The following PDE3B variants were observed in gnomAD, a reference collection of about 807,000 sequenced individuals.
PDE3B encodes the protein cGMP-inhibited 3',5'-cyclic phosphodiesterase 3B.
In PDE3B, 66 loss-of-function variants were observed where a neutral mutation model predicts 116.8. That is an observed-to-expected ratio of 0.56 (90% CI 0.46 to 0.69). The LOEUF (loss-of-function observed/expected upper bound fraction) is 0.69. Among genes scored for constraint, PDE3B ranks in the 30% least tolerant of loss-of-function variants. PDE3B has a pLI of 0.00. For missense variants in PDE3B, 1,384 were observed against 1,368.1 expected (o/e 1.01, Z -0.18); for synonymous variants, 595 against 533.6 (o/e 1.12, Z -1.59).
chr11:14,679,596 C>A (rs1484243861), intron 1 of PDE3B, among the ~76,000 whole-genome samples: 1 of 151,918 alleles, frequency 6.6e-6, no homozygotes, highest in Non-Finnish European at 1.5e-5. Context: ...CCTTGGTGGG[C>A]AGCGCCTAAA....
chr11:14,818,190 G>C lies in PDE3B; in HGVS notation c.1530G>C (p.Leu510Phe). The change falls in exon 6 of 16, where the codon TTG becomes TTC. Residue 510 changes from leucine (L) to phenylalanine (F), a missense_variant. Physicochemically the swap from Leu to Phe is conservative, Grantham distance 22 (BLOSUM62 0). Coordinates refer to ENST00000282096, the MANE Select transcript of PDE3B (RefSeq NM_000922.4). ...TTCTTTTAATTTTTAAAGGTGTTTT[G>C]TCCAGTCTGAGTCCTGTGAATTCTT... ...HHVGLRRAGV[L>F]SSLSPVNSSN... is the part of the protein sequence containing the mutation. 6.2e-7 allele frequency: 1 copy of C among 1,605,696 alleles called. No homozygotes were observed. Among genetic ancestry groups the C allele is most frequent in the South Asian group, 1.1e-5 (1 of 90,836 alleles).
In PDE3B at chr11:14,831,938, A is replaced by G. The variant is rs552371837; in HGVS notation, c.2094+161A>G. On this transcript the variant is annotated intron_variant, in intron 9 of 15. Transcript: ENST00000282096. ...AAATATATACATAAAACAATTATAT[A>G]TAAGATGTAGATCATACTATTATAT... is the stretch of plus-strand genomic sequence containing the variant. Among the ~76,000 whole-genome samples the G allele has an allele frequency of 2.2e-4, 33 of 152,288 alleles. 1 individual carries two copies. The South Asian group carries it at 5.8e-3, about 27-fold the overall frequency.
chr11:14,839,716 C>T (rs1860163707), intron 11 of PDE3B, among the ~76,000 whole-genome samples: 1 of 152,192 alleles, frequency 6.6e-6, no homozygotes, highest in Non-Finnish European at 1.5e-5. Flanking sequence ...TATGTCAAGT[C>T]TTTCATTCTC....
rs1345972186 is a variant in PDE3B at position 14,867,080 on chromosome 11, G to A, written c.2887-426G>A. Among the ~76,000 whole-genome samples the A allele has an allele frequency of 2.7e-5, 4 of 150,082 alleles. 1 individual carries two copies. Among genetic ancestry groups the A allele is most frequent in the South Asian group, 4.2e-4 (2 of 4,762 alleles). ...TTCTGCTGTTAAAAAAAAAAAAAAA[G>A]GGGGTGGAGGTAGTGTTATTGAAAA... On this transcript the variant is annotated intron_variant, in intron 14 of 15. Coordinates refer to ENST00000282096, the MANE Select transcript of PDE3B (RefSeq NM_000922.4).
chr11:14,783,083 G>A (rs560226455), intron 2 of PDE3B, among the ~76,000 whole-genome samples: 334 of 152,294 alleles, frequency 2.2e-3, no homozygotes, highest in African/African-American at 7.3e-3. Flanking sequence ...CAGTTAGAAT[G>A]GTGATCATTA....
intron 1 of PDE3B, among the ~76,000 whole-genome samples, chr11:14,708,669 G>T (rs1855603904): frequency 6.6e-6 from 1 of 151,972 alleles, no homozygotes; most frequent in Non-Finnish European, 1.5e-5. Context: ...CTATAGTGTG[G>T]TTATGTAAGA....
intron 4 of PDE3B, among the ~76,000 whole-genome samples, chr11:14,802,956 G>T (rs1174961450): frequency 2.0e-5 from 3 of 152,256 alleles, no homozygotes; most frequent in African/African-American, 7.2e-5. Flanking sequence ...CAATTTAAAA[G>T]AATATATTTA....
At chr11:14,751,812 C>T (rs1458922579) in intron 1 of PDE3B, among the ~76,000 whole-genome samples, 1 of 152,162 alleles carries the variant, frequency 6.6e-6, no homozygotes, top group African/African-American at 2.4e-5. Context: ...TCTATCAGCT[C>T]TTGTTCTTTA....
chr11:14,689,821 T>TCA (rs1349848023), intron 1 of PDE3B, among the ~76,000 whole-genome samples: 1 of 152,210 alleles, frequency 6.6e-6, no homozygotes, highest in Non-Finnish European at 1.5e-5. Context: ...AGGAAGGTTT[T>TCA]CACATGGGCA....
chr11:14,661,355 G>T (rs1303518834), intron 1 of PDE3B, among the ~76,000 whole-genome samples: 2 of 152,236 alleles, frequency 1.3e-5, no homozygotes, highest in Non-Finnish European at 2.9e-5. Context: ...AACAGCTCCG[G>T]TCTACAGCTT....
rs1468598030 is a variant in PDE3B at position 14,818,266 on chromosome 11, G to A, written c.1606G>A (p.Glu536Lys). 10 of 1,613,564 alleles carry A rather than the reference G, an allele frequency of 6.2e-6. No homozygotes were observed. The Admixed American group carries it at 1.3e-4, about 22-fold the overall frequency. Residue 536 changes from glutamate (E) to lysine (K), a missense_variant, in exon 6 of 16, where the codon GAA becomes AAA. By Grantham distance (56) the Glu-to-Lys change is moderately conservative. Around this residue, in one of 2 missense-constraint regions of PDE3B, gnomAD observed 956 missense variants for 806.8 expected, o/e 1.18. Coordinates refer to ENST00000282096, the MANE Select transcript of PDE3B (RefSeq NM_000922.4). ...CTCTCTAACTAATCGATCACCCATA[G>A]AATTTCCTGATACTGCTGATTTTCT... ...TGSLTNRSPI[E>K]FPDTADFLNK...
intron 14 of PDE3B, among the ~76,000 whole-genome samples, chr11:14,864,188 C>T (rs1310895333): frequency 6.6e-6 from 1 of 152,038 alleles, no homozygotes; most frequent in Non-Finnish European, 1.5e-5. Context: ...TAAACCAACA[C>T]AGACAGAAAA....
intron 1 of PDE3B, among the ~76,000 whole-genome samples, chr11:14,710,842 A>G (rs1855680171): frequency 6.6e-6 from 1 of 152,164 alleles, no homozygotes; most frequent in African/African-American, 2.4e-5. Context: ...GCTTTTTTTA[A>G]AAAAATGTGG....
At chr11:14,705,520 CTT>C (rs1855504794) in intron 1 of PDE3B, among the ~76,000 whole-genome samples, 1 of 151,688 alleles carries the variant, frequency 6.6e-6, no homozygotes, top group Non-Finnish European at 1.5e-5. Context: ...CATGAGGTAT[CTT>C]TTGTTGGTGA....
intron 12 of PDE3B, among the ~76,000 whole-genome samples, chr11:14,853,506 C>G (rs1847794886): frequency 6.6e-6 from 1 of 152,184 alleles, no homozygotes; most frequent in Non-Finnish European, 1.5e-5. Context: ...CAACTAGCAC[C>G]TGTGAGATAA....
the PDE3B span, chr11:14,878,998 G>A: frequency 3.5e-6 from 3 of 852,724 alleles, no homozygotes; most frequent in Non-Finnish European, 5.7e-6. Flanking sequence ...TCAGTTCTGT[G>A]TTTTTAGAAT....
At chr11:14,668,704 G>C (rs574636208) in intron 1 of PDE3B, among the ~76,000 whole-genome samples, 1 of 152,262 alleles carries the variant, frequency 6.6e-6, no homozygotes, top group Non-Finnish European at 1.5e-5. Flanking sequence ...GCACAATCCT[G>C]TCTGTCTGCT....
At chr11:14,724,023 T>A (rs1349507720) in intron 1 of PDE3B, among the ~76,000 whole-genome samples, 1 of 152,170 alleles carries the variant, frequency 6.6e-6, no homozygotes, top group Non-Finnish European at 1.5e-5. Context: ...ATCATTGTAG[T>A]TAAAATATGG....
intron 7 of PDE3B, among the ~76,000 whole-genome samples, chr11:14,828,193 G>A (rs1282330622): frequency 1.3e-5 from 2 of 152,118 alleles, no homozygotes; most frequent in African/African-American, 4.8e-5. Context: ...AGACTTAAAT[G>A]TAAAACCCAA....
Sources: gnomAD v4.1 joint callset for allele counts (sites outside exome capture counted in the v4.1 genomes callset) on GRCh38, gnomAD v4.1.1 for gene constraint, gnomAD v4.1.1 regional missense constraint, MANE v1.5 for transcripts, NCBI Gene and HGNC (gene_info 2026-07-23, HGNC 2026-07-21) for gene names.